The following IRF5 variants were observed in gnomAD, a reference collection of about 807,000 sequenced individuals.
IRF5 encodes interferon regulatory factor 5.
IRF5 carries 24 observed loss-of-function variants against 55.1 expected under a neutral mutation model. That is an observed-to-expected ratio of 0.44 (90% CI 0.32 to 0.61). The LOEUF is 0.61. Among genes scored for constraint, IRF5 ranks in the 20% least tolerant of loss-of-function variants. The pLI is 0.07. For synonymous variants in IRF5, 258 were observed against 260.2 expected (o/e 0.99, Z 0.08); for missense variants, 499 against 658.5 (o/e 0.76, Z 2.65).
In IRF5 at chr7:128,946,459, T is replaced by C. The variant is rs371885677; in HGVS notation, c.386-42T>C. On this transcript the variant is annotated intron_variant, in intron 3 of 8. Coordinates refer to ENST00000357234, the MANE Select transcript of IRF5 (RefSeq NM_001098629.3). The surrounding 1 kb of genome is among the most constrained non-coding windows in gnomAD (Gnocchi z 4.2). ...AGGGGATCTTGCTTCTCCTCCGACA[T>C]TGACTCCTTTACTGCCCTGCTTTTC... 30 of 1,576,892 alleles carry C rather than the reference T, an allele frequency of 1.9e-5. 1 individual carries two copies. In the South Asian group the frequency reaches 2.9e-4, roughly 15 times the overall value.
Position 128,942,134 on chromosome 7 carries a change from A to C in IRF5, c.53A>C (p.Lys18Thr). Residue 18 changes from lysine (K) to threonine (T), a missense_variant, in exon 2 of 9, where the codon AAG becomes ACG. Physicochemically the swap from Lys to Thr is moderately conservative, Grantham distance 78. Around this residue, in one of 2 missense-constraint regions of IRF5, gnomAD observed 305 missense variants for 340.2 expected, o/e 0.90. Transcript: ENST00000357234. Reference sequence around the variant, plus strand: ...ACCCCACCCCGCCGCGTGCGGCTGAAGCCCTGGCTGGTGGCCCAGGTGAAC... The same window carrying C: ...ACCCCACCCCGCCGCGTGCGGCTGACGCCCTGGCTGGTGGCCCAGGTGAAC... ...APTPPRRVRL[K>T]PWLVAQVNSC... 6.2e-7 allele frequency: 1 copy of C among 1,613,258 alleles called. No individual in the cohort carries two copies. The highest frequency in any genetic ancestry group is 8.5e-7 in the Non-Finnish European group (1 of 1,179,802).
At chr7:128,944,764 C>A (rs1477313049) in intron 2 of IRF5, among the ~76,000 whole-genome samples, 1 of 152,190 alleles carries the variant, frequency 6.6e-6, no homozygotes, top group African/African-American at 2.4e-5. Context: ...TACATGTCAG[C>A]TTATAAACAG....
chr7:128,946,496 T>C lies in IRF5; in HGVS notation c.386-5T>C. ...CTGCCCTGCTTTTCTCTCCCTGCTG[T>C]GCAGACTCCCAGCCCCCTGAGGATT... On this transcript the variant is annotated splice_polypyrimidine_tract_variant and splice_region_variant and intron_variant, in intron 3 of 8. Coordinates refer to ENST00000357234, the MANE Select transcript of IRF5 (RefSeq NM_001098629.3). This position sits in a 1 kb window ranked among gnomAD's most constrained non-coding sequence, Gnocchi z 4.2. The C allele has an allele frequency of 2.5e-6, 4 of 1,604,626 alleles. No individual in the cohort carries two copies. In the East Asian group the frequency reaches 8.9e-5, roughly 36 times the overall value.
In IRF5 at chr7:128,947,906, C is replaced by G; in HGVS notation, c.965C>G (p.Pro322Arg). 6.2e-7 allele frequency: 1 copy of G among 1,614,108 alleles called. No individual in the cohort carries two copies. The highest frequency in any genetic ancestry group is 8.5e-7 in the Non-Finnish European group (1 of 1,180,008). Residue 322 changes from proline (P) to arginine (R), a missense_variant, in exon 7 of 9, where the codon CCC becomes CGC. Around this residue, in one of 2 missense-constraint regions of IRF5, gnomAD observed 194 missense variants for 318.3 expected, o/e 0.61. Coordinates refer to ENST00000357234, the MANE Select transcript of IRF5 (RefSeq NM_001098629.3). The surrounding 1 kb of genome is among the most constrained non-coding windows in gnomAD (Gnocchi z 6.5). ...CGCTTCCCCAGCCCTGAGGACATCC[C>G]CAGTGACAAGCAGCGCTTCTACACG... ...QVRFPSPEDI[P>R]SDKQRFYTNQ...
chr7:128,940,640 C>G (rs1352195161), intron 1 of IRF5: 2 of 153,402 alleles, frequency 1.3e-5, no homozygotes, highest in South Asian at 4.1e-4. Flanking sequence ...TAGCCACTTT[C>G]GTTTCCCCTG....
At position 128,947,958 on chromosome 7, in the gene IRF5, C is replaced by T. The variant is rs774398393; in HGVS notation, c.1017C>T (p.Arg339=). 12 of 1,614,026 alleles carry T rather than the reference C, an allele frequency of 7.4e-6. No homozygotes were observed. Among genetic ancestry groups the T allele is most frequent in the East Asian group, 2.2e-5 (1 of 44,892 alleles). The change falls in exon 7 of 9, where the codon CGC becomes CGT. Residue 339 remains arginine, a synonymous_variant. Coordinates refer to ENST00000357234, the MANE Select transcript of IRF5 (RefSeq NM_001098629.3). This position sits in a 1 kb window ranked among gnomAD's most constrained non-coding sequence, Gnocchi z 6.5. ...ACCAGCTGCTGGATGTCCTGGACCG[C>T]GGGCTCATCCTCCAGCTACAGGGCC... ...YTNQLLDVLD[R]GLILQLQGQD... is the part of the protein sequence containing the mutation.
rs777156890 is a variant in IRF5, at chr7:128,948,991, C to T, written c.*173C>T. On this transcript the variant is annotated 3_prime_UTR_variant, in exon 9 of 9. Transcript: ENST00000357234. This position sits in a 1 kb window ranked among gnomAD's most constrained non-coding sequence, Gnocchi z 4.6. ...AGAAAGGCCCGAGCCCCTGCCTTCCCGGGCCTTTCTCTCCTGGGCTGTCTC... is the reference window on the plus strand; with the variant it reads ...AGAAAGGCCCGAGCCCCTGCCTTCCTGGGCCTTTCTCTCCTGGGCTGTCTC... 10 of 733,756 alleles carry T rather than the reference C, an allele frequency of 1.4e-5. No homozygotes were observed. Among genetic ancestry groups the T allele is most frequent in the Middle Eastern group, 3.9e-4 (1 of 2,556 alleles). 45.5% of individuals were successfully genotyped at this position (733,756 alleles called of 1,614,324 possible).
intron 2 of IRF5, 128 bp from the exon 3 acceptor site, chr7:128,945,717 G>T (rs868067469): frequency 2.3e-6 from 2 of 858,914 alleles, no homozygotes; most frequent in East Asian, 5.7e-5. Context: ...CCAGGTCTGG[G>T]GCTCAGCGAG....
intron 1 of IRF5, chr7:128,940,708 G>C (rs1208936279): frequency 6.6e-6 from 1 of 152,602 alleles, no homozygotes; most frequent in Non-Finnish European, 1.5e-5. Context: ...CTGAGGCCAG[G>C]GCAGGGCTGG....
In IRF5 at chr7:128,946,692, C is replaced by A; in HGVS notation, c.447+130C>A. On this transcript the variant is annotated intron_variant, in intron 4 of 8. Coordinates refer to ENST00000357234, the MANE Select transcript of IRF5 (RefSeq NM_001098629.3). This position sits in a 1 kb window ranked among gnomAD's most constrained non-coding sequence, Gnocchi z 4.2. Reference sequence around the variant, plus strand: ...CTCAATAGTTCTCCTTGTTTCTTCTCCTGGGATTCTGAACGATAGGAGCAC... The same window carrying A: ...CTCAATAGTTCTCCTTGTTTCTTCTACTGGGATTCTGAACGATAGGAGCAC... 1 of 689,234 alleles carries A rather than the reference C, an allele frequency of 1.5e-6. No individual in the cohort carries two copies. Among genetic ancestry groups the A allele is most frequent in the Non-Finnish European group, 2.5e-6 (1 of 393,120 alleles). The allele number at this position is 689,234 out of a possible 1,614,324, so 42.7% of individuals were successfully genotyped here. A position where few individuals can be genotyped will look rare whatever the true frequency, so the allele number is the denominator to read the frequency against.
Position 128,947,485 on chromosome 7 carries a change from C to G in IRF5, c.737C>G (p.Ala246Gly), listed in dbSNP as rs748782161. The change falls in exon 6 of 9, where the codon GCA becomes GGA. Residue 246 changes from alanine (A) to glycine (G), a missense_variant. Transcript: ENST00000357234. This position sits in a 1 kb window ranked among gnomAD's most constrained non-coding sequence, Gnocchi z 6.5. ...CCCCTGCCTGCCAGCCTGCCCCCTG[C>G]AGGCGAACAGCTCCTGCCAGACCTG... ...PGPLPASLPP[A>G]GEQLLPDLLI... 6.2e-7 allele frequency: 1 copy of G among 1,603,754 alleles called. No homozygotes were observed. The highest frequency in any genetic ancestry group is 2.2e-5 in the East Asian group (1 of 44,870).
Position 128,947,679 on chromosome 7 carries a change from G to T in IRF5, c.788-50G>T. The T allele has an allele frequency of 6.5e-7, 1 of 1,531,882 alleles. No homozygotes were observed. The highest frequency in any genetic ancestry group is 1.4e-5 in the African/African-American group (1 of 73,522). The allele number at this position is 1,531,882 out of a possible 1,614,324, so 94.9% of individuals were successfully genotyped here. ...GGGCCTGGCCACTGGGCTGCAGAAT[G>T]GGGAGGCGTGGGGCTCAAGGACGGG... On this transcript the variant is annotated intron_variant, in intron 6 of 8. Coordinates refer to ENST00000357234, the MANE Select transcript of IRF5 (RefSeq NM_001098629.3). The surrounding 1 kb of genome is among the most constrained non-coding windows in gnomAD (Gnocchi z 6.5).
rs1796317471 is a variant in IRF5, at chr7:128,946,598, A to G, written c.447+36A>G. The G allele has an allele frequency of 2.1e-6, 3 of 1,423,074 alleles. No individual in the cohort carries two copies. The highest frequency in any genetic ancestry group is 1.2e-5 in the South Asian group (1 of 83,538). 88.2% of individuals were successfully genotyped at this position (1,423,074 alleles called of 1,614,324 possible). On this transcript the variant is annotated intron_variant, in intron 4 of 8. Transcript: ENST00000357234. This position sits in a 1 kb window ranked among gnomAD's most constrained non-coding sequence, Gnocchi z 4.2. The stretch of plus-strand genomic sequence containing the variant: ...GTTGAGGAGGCAGGTGGAGCCCTGG[A>G]CGAGCTCTCTGCTGTCCCCATCGGC...
Position 128,947,534 on chromosome 7 carries a change from T to A in IRF5, c.786T>A (p.Pro262=). 3.9e-6 allele frequency: 6 copies of A among 1,553,304 alleles called. No homozygotes were observed. Among genetic ancestry groups the A allele is most frequent in the Non-Finnish European group, 5.2e-6 (6 of 1,157,616 alleles). ...TGCTGATCAGCCCCCACATGCTGCC[T>A]CGTAAGGACCCATGGCTGGGCACGG... ...PDLLISPHML[P]LTDLEIKFQY... is the part of the protein sequence containing the mutation. Residue 262 remains proline, a splice_region_variant and synonymous_variant, in exon 6 of 9, where the codon CCT becomes CCA. Coordinates refer to ENST00000357234, the MANE Select transcript of IRF5 (RefSeq NM_001098629.3). This position sits in a 1 kb window ranked among gnomAD's most constrained non-coding sequence, Gnocchi z 6.5.
intron 2 of IRF5, among the ~76,000 whole-genome samples, 179 bp downstream of exon 2, chr7:128,942,455 CTT>C (rs555885372): frequency 2.4e-4 from 34 of 144,242 alleles, no homozygotes; most frequent in Admixed American, 2.8e-4. Context: ...CACCTTTTTC[CTT>C]TTTTTTTTTT....
intron 2 of IRF5, among the ~76,000 whole-genome samples, chr7:128,943,636 G>T (rs957910033): frequency 6.9e-6 from 1 of 145,504 alleles, no homozygotes; most frequent in African/African-American, 2.6e-5. Flanking sequence ...TGCCACCTGG[G>T]TTCAAGCAAT....
At chr7:128,942,839 A>AT (rs1468787994) in intron 2 of IRF5, among the ~76,000 whole-genome samples, 2 of 152,098 alleles carry the variant, frequency 1.3e-5, no homozygotes, top group Non-Finnish European at 2.9e-5. Context: ...CACAGTGGTG[A>AT]TTTGATAAGC....
Position 128,946,572 on chromosome 7 carries a change from G to T in IRF5, c.447+10G>T, listed in dbSNP as rs765639543. The T allele has an allele frequency of 4.5e-6, 7 of 1,571,474 alleles. No homozygotes were observed. Among genetic ancestry groups the T allele is most frequent in the Admixed American group, 1.7e-5 (1 of 57,476 alleles). The stretch of plus-strand genomic sequence containing the variant: ...GGAAGAAGAGGAAGAGGTGAGTGTG[G>T]GTTGAGGAGGCAGGTGGAGCCCTGG... On this transcript the variant is annotated intron_variant, in intron 4 of 8. Coordinates refer to ENST00000357234, the MANE Select transcript of IRF5 (RefSeq NM_001098629.3). This position sits in a 1 kb window ranked among gnomAD's most constrained non-coding sequence, Gnocchi z 4.2.
Position 128,947,548 on chromosome 7 carries a change from G to A in IRF5, c.787+13G>A, listed in dbSNP as rs1173550829. ...CACATGCTGCCTCGTAAGGACCCAT[G>A]GCTGGGCACGGGGAAGCAGTGCTGG... On this transcript the variant is annotated intron_variant, in intron 6 of 8. Transcript: ENST00000357234. The surrounding 1 kb of genome is among the most constrained non-coding windows in gnomAD (Gnocchi z 6.5). 26 of 1,538,948 alleles carry A rather than the reference G, an allele frequency of 1.7e-5. No homozygotes were observed. The highest frequency in any genetic ancestry group is 2.2e-5 in the Non-Finnish European group (25 of 1,150,968).
Sources: allele counts gnomAD v4.1 joint callset (sites outside exome capture counted in the v4.1 genomes callset), GRCh38; gene constraint gnomAD v4.1.1; regional missense constraint gnomAD v4.1.1; non-coding constraint Gnocchi (gnomAD v3.1); transcripts MANE v1.5; gene names NCBI Gene and HGNC (gene_info 2026-07-23, HGNC 2026-07-21).